ZNF354A: variants seen among roughly 807,000 people sequenced by gnomAD.
ZNF354A encodes zinc finger protein 354A.
A neutral mutation model predicts 53.3 loss-of-function variants in ZNF354A; 25 were observed. The observed-to-expected ratio is 0.47, with a 90% CI of 0.34 to 0.66. The LOEUF is 0.66. Ranked by LOEUF, ZNF354A falls within the 30% of genes least tolerant of loss-of-function variation. The probability of loss-of-function intolerance (pLI) is 0.01; values close to 1 mark genes in which losing one functional copy is unlikely to be tolerated. For synonymous variants in ZNF354A, 228 were observed against 249.0 expected, an observed-to-expected ratio of 0.92 and a Z score of 0.79; for missense variants, 586 against 716.8, an observed-to-expected ratio of 0.82 and a Z score of 2.08.
intron 4 of ZNF354A, among the ~76,000 whole-genome samples, chr5:178,720,473 G>A (rs909290710): frequency 2.0e-5 from 3 of 152,172 alleles, no homozygotes; most frequent in Admixed American, 2.0e-4. Flanking sequence ...TGAAGACACC[G>A]GGCGAACACA....
In ZNF354A at chr5:178,712,109, C is replaced by T. The variant is rs373839694; in HGVS notation, c.1769G>A (p.Arg590Lys). 34 of 1,612,598 alleles carry T rather than the reference C, an allele frequency of 2.1e-5. No individual in the cohort carries two copies. Among genetic ancestry groups the T allele is most frequent in the Admixed American group, 5.0e-5 (3 of 59,870 alleles). ...CNTCGKLFNH[R>K]SSLTNHYKIH... is the part of the protein sequence containing the mutation. ...TTTATAATGATTAGTAAGGGATGAC[C>T]TATGGTTGAAAAGTTTCCCACATGT... Residue 590 changes from arginine (R) to lysine (K), a missense_variant, in exon 5 of 5, where the codon AGG (arginine) becomes AAG (lysine). Physicochemically the swap from Arg to Lys is conservative, Grantham distance 26. Transcript: ENST00000335815.
At chr5:178,729,944 A>G (rs1372107131) in intron 1 of ZNF354A, among the ~76,000 whole-genome samples, 1 of 148,588 alleles carries the variant, frequency 6.7e-6, no homozygotes, top group Non-Finnish European at 1.5e-5. Context: ...GCTCACTGCA[A>G]GCTCCGCCTC....
rs764585707 is a variant in ZNF354A, at chr5:178,712,292, A to G, written c.1586T>C (p.Ile529Thr). The G allele has an allele frequency of 3.1e-6, 5 of 1,613,974 alleles. No individual in the cohort carries two copies. Among genetic ancestry groups the G allele is most frequent in the African/African-American group, 2.7e-5 (2 of 74,920 alleles). The change falls in exon 5 of 5, where the codon ATA becomes ACA. Residue 529 changes from isoleucine (I) to threonine (T), a missense_variant. Physicochemically the swap from Ile to Thr is moderately conservative, Grantham distance 89. Coordinates refer to ENST00000335815, the MANE Select transcript of ZNF354A (RefSeq NM_005649.3). ...AAGAGCTGAACTTTGGCCAAAAGATATCCCACATTCCTCACATCGATATGG... is the reference window on the plus strand; with the variant it reads ...AAGAGCTGAACTTTGGCCAAAAGATGTCCCACATTCCTCACATCGATATGG... ...EKPYRCEECG[I>T]SFGQSSALIQ...
chr5:178,716,868 C>A (rs1331173702), intron 4 of ZNF354A, among the ~76,000 whole-genome samples: 1 of 151,978 alleles, frequency 6.6e-6, no homozygotes, highest in Non-Finnish European at 1.5e-5. Context: ...CACCTGAGAT[C>A]AGGAATTCAA....
chr5:178,727,740 G>A (rs904502110), intron 2 of ZNF354A, among the ~76,000 whole-genome samples: 1 of 152,124 alleles, frequency 6.6e-6, no homozygotes, highest in Admixed American at 6.5e-5. Flanking sequence ...CTATCAAGAC[G>A]ATACCATTAT....
chr5:178,711,831 T>G lies in ZNF354A; in HGVS notation c.*229A>C, dbSNP rs1187698445. On this transcript the variant is annotated 3_prime_UTR_variant, in exon 5 of 5. Transcript: ENST00000335815. The stretch of plus-strand genomic sequence containing the variant: ...ATTTCACAAATGGCTAAAGTCAATG[T>G]CTTCAATTGTAAATTCTTCATCTCA... The G allele has an allele frequency of 4.5e-6, 2 of 447,376 alleles. No individual in the cohort carries two copies. The highest frequency in any genetic ancestry group is 7.6e-6 in the Non-Finnish European group (2 of 264,892). The allele number at this position is 447,376 out of a possible 1,614,324, so 27.7% of individuals were successfully genotyped here. A position where few individuals can be genotyped will look rare whatever the true frequency, so the allele number is the denominator to read the frequency against.
chr5:178,713,741 T>G, intron 4 of ZNF354A, 120 bp from the exon 5 acceptor site: 1 of 1,268,726 alleles, frequency 7.9e-7, no homozygotes, highest in Non-Finnish European at 1.0e-6. Context: ...GATATCTGTA[T>G]GAAAAAAATT....
chr5:178,714,748 T>C (rs1765683699), intron 4 of ZNF354A, among the ~76,000 whole-genome samples: 1 of 152,022 alleles, frequency 6.6e-6, no homozygotes, highest in African/African-American at 2.4e-5. Flanking sequence ...TATACATACA[T>C]ACACATACAT....
At chr5:178,729,494 C>G (rs1451827849) in intron 1 of ZNF354A, 1 of 203,580 alleles carries the variant, frequency 4.9e-6, no homozygotes, top group Middle Eastern at 2.0e-3. Flanking sequence ...CGCCTCAAGC[C>G]TTTCCCAGCC....
chr5:178,724,883 C>A (rs140789342), intron 4 of ZNF354A, among the ~76,000 whole-genome samples: 4 of 152,222 alleles, frequency 2.6e-5, no homozygotes, highest in Admixed American at 2.6e-4. Context: ...TGTTCTTACA[C>A]GGATGGAGAC....
At chr5:178,725,607 A>AGGTAAGGG in intron 3 of ZNF354A, 136 bp from the exon 4 acceptor site, 1 of 838,468 alleles carries the variant, frequency 1.2e-6, no homozygotes, top group Non-Finnish European at 1.9e-6. Flanking sequence ...TGCCCCTGGG[A>AGGTAAGGG]GGTAAGGGGG....
chr5:178,727,852 A>AT lies in ZNF354A; in HGVS notation c.34-728dup, dbSNP rs35216090. On this transcript the variant is annotated intron_variant, in intron 2 of 4. Coordinates refer to ENST00000335815, the MANE Select transcript of ZNF354A (RefSeq NM_005649.3). ...CTGACCAGCTGTGTGACTTGTACAC[A>AT]TTTTTTTTTTTCTTTGAGACAGAGT... Among the ~76,000 whole-genome samples, 21 of 149,284 alleles carry AT rather than the reference A, an allele frequency of 1.4e-4. 1 individual carries two copies. The highest frequency in any genetic ancestry group is 1.2e-3 in the East Asian group (6 of 5,092).
intron 1 of ZNF354A, among the ~76,000 whole-genome samples, chr5:178,729,986 C>G (rs1177982615): frequency 6.6e-6 from 1 of 151,982 alleles, no homozygotes; most frequent in Non-Finnish European, 1.5e-5. Context: ...GCCTCGGCCT[C>G]ACAAGTAGCT....
At chr5:178,722,931 T>C (rs1258373176) in intron 4 of ZNF354A, among the ~76,000 whole-genome samples, 2 of 152,056 alleles carry the variant, frequency 1.3e-5, no homozygotes, top group Non-Finnish European at 2.9e-5. Context: ...GCGAGCCACA[T>C]GGACGCATGA....
intron 4 of ZNF354A, among the ~76,000 whole-genome samples, chr5:178,721,355 G>A (rs759380662): frequency 1.3e-5 from 2 of 152,144 alleles, no homozygotes; most frequent in Non-Finnish European, 2.9e-5. Context: ...ACAATTGTAA[G>A]TATTTGTGCA....
intron 2 of ZNF354A, among the ~76,000 whole-genome samples, chr5:178,728,527 C>T (rs1765955842): frequency 6.6e-6 from 1 of 151,818 alleles, no homozygotes; most frequent in Non-Finnish European, 1.5e-5. Flanking sequence ...CAGTGGCGCA[C>T]ATCTGTAATC....
intron 4 of ZNF354A, among the ~76,000 whole-genome samples, chr5:178,724,505 G>A (rs556251563): frequency 2.0e-5 from 3 of 152,266 alleles, no homozygotes; most frequent in African/African-American, 4.8e-5. Context: ...GATGACAGGC[G>A]TGAGCCACCG....
intron 4 of ZNF354A, among the ~76,000 whole-genome samples, chr5:178,714,291 C>T (rs1453098881): frequency 6.6e-6 from 1 of 152,146 alleles, no homozygotes. Flanking sequence ...AGGCATGAGC[C>T]ACTGTGCTCA....
intron 3 of ZNF354A, among the ~76,000 whole-genome samples, chr5:178,726,606 G>C (rs1765913754): frequency 6.6e-6 from 1 of 152,124 alleles, no homozygotes; most frequent in Admixed American, 6.5e-5. Context: ...AGCCTACATG[G>C]CTTTTTATAG....
Sources: gnomAD v4.1 joint callset for allele counts (sites outside exome capture counted in the v4.1 genomes callset) on GRCh38, gnomAD v4.1.1 for gene constraint, MANE v1.5 for transcripts, NCBI Gene and HGNC (gene_info 2026-07-23, HGNC 2026-07-21) for gene names.